Variants in AFAP1 observed in about 807,000 individuals in gnomAD.
AFAP1 encodes actin filament associated protein 1, also known as actin filament-associated protein 1.
Under a neutral mutation model 93.9 loss-of-function variants are expected in AFAP1, and 75 were observed. The ratio of observed to expected loss-of-function variants is 0.80; its 90% confidence interval spans 0.66 to 0.97. The LOEUF (loss-of-function observed/expected upper bound fraction) is 0.97. Among genes scored for constraint, AFAP1 ranks in the 50% least tolerant of loss-of-function variants. The pLI is 0.00. For missense variants in AFAP1, 1,201 were observed against 1,050.8 expected (o/e 1.14, Z -1.98); for synonymous variants, 517 against 430.7 (o/e 1.20, Z -2.48).
At chr4:7,797,017 G>A (rs776527021) in intron 10 of AFAP1, among the ~76,000 whole-genome samples, 9 of 146,640 alleles carry the variant, frequency 6.1e-5, no homozygotes, top group South Asian at 2.2e-4. Context: ...CCGAGATTGC[G>A]CCACTGCACT....
At chr4:7,906,821 G>C (rs1719430330) in intron 1 of AFAP1, among the ~76,000 whole-genome samples, 1 of 152,212 alleles carries the variant, frequency 6.6e-6, no homozygotes, top group African/African-American at 2.4e-5. Flanking sequence ...GGAAGTTCAA[G>C]AACAGCCTGG....
intron 4 of AFAP1, among the ~76,000 whole-genome samples, chr4:7,853,105 CT>C (rs1433175686): frequency 5.3e-5 from 8 of 152,144 alleles, no homozygotes; most frequent in Admixed American, 2.6e-4. Flanking sequence ...TGGTAGTTTT[CT>C]ACTGTATCAG....
intron 3 of AFAP1, among the ~76,000 whole-genome samples, chr4:7,856,249 AT>A (rs111609003): frequency 4.7e-5 from 7 of 149,144 alleles, no homozygotes; most frequent in Admixed American, 2.0e-4. Flanking sequence ...TCATGTCACA[AT>A]TTTTTTTTTT....
intron 1 of AFAP1, among the ~76,000 whole-genome samples, chr4:7,886,337 C>G (rs1474016958): frequency 2.0e-5 from 3 of 152,200 alleles, no homozygotes; most frequent in Non-Finnish European, 4.4e-5. Context: ...GTTTAATTTG[C>G]ACCTAAAAAG....
intron 1 of AFAP1, among the ~76,000 whole-genome samples, chr4:7,885,147 T>C (rs1405888402): frequency 6.6e-6 from 1 of 152,240 alleles, no homozygotes; most frequent in Non-Finnish European, 1.5e-5. Context: ...CCTGGTTTGC[T>C]ACACTCTTCT....
At position 7,800,746 on chromosome 4, in the gene AFAP1, G is replaced by C; in HGVS notation, c.1055-93C>G. On this transcript the variant is annotated intron_variant, in intron 9 of 17. Transcript: ENST00000420658. ...TCACACTGAGGAGGCCCAGGGATGG[G>C]AGTGTGGATAAAACAAATCCTTCAC... 2.4e-6 allele frequency: 3 copies of C among 1,228,972 alleles called. No homozygotes were observed. In the South Asian group the frequency reaches 3.8e-5, roughly 16 times the overall value. The allele number at this position is 1,228,972 out of a possible 1,614,324, so 76.1% of individuals were successfully genotyped here. A position where few individuals can be genotyped will look rare whatever the true frequency, so the allele number is the denominator to read the frequency against.
At chr4:7,801,648 A>C (rs1719041394) in intron 9 of AFAP1, among the ~76,000 whole-genome samples, 1 of 152,166 alleles carries the variant, frequency 6.6e-6, no homozygotes, top group Admixed American at 6.5e-5. Context: ...GTGGCAGAAA[A>C]GGAAGTACCA....
At chr4:7,861,878 T>C (rs1160147539) in intron 3 of AFAP1, 1 of 152,266 alleles carries the variant, frequency 6.6e-6, no homozygotes, top group Admixed American at 6.5e-5. Flanking sequence ...TCGTGGGCTT[T>C]AGCCCCAGCT....
intron 6 of AFAP1, among the ~76,000 whole-genome samples, chr4:7,824,248 A>C (rs1459768068): frequency 6.6e-6 from 1 of 152,234 alleles, no homozygotes; most frequent in Non-Finnish European, 1.5e-5. Flanking sequence ...ATCCTCCAAA[A>C]AAACAAATTG....
At chr4:7,891,583 G>A (rs1379312773) in intron 1 of AFAP1, among the ~76,000 whole-genome samples, 1 of 152,064 alleles carries the variant, frequency 6.6e-6, no homozygotes, top group African/African-American at 2.4e-5. Flanking sequence ...AAGGAAGACA[G>A]CAGAATTCCT....
chr4:7,784,449 T>A (rs1005342088), intron 12 of AFAP1, among the ~76,000 whole-genome samples: 7 of 152,056 alleles, frequency 4.6e-5, no homozygotes, highest in African/African-American at 1.7e-4. Flanking sequence ...ACAAAGACAA[T>A]CGCTTCACCA....
chr4:7,860,499 T>C (rs1715553882), intron 3 of AFAP1, among the ~76,000 whole-genome samples: 1 of 152,216 alleles, frequency 6.6e-6, no homozygotes, highest in African/African-American at 2.4e-5. Context: ...TGTCAGGCAC[T>C]GTCCTGGGAT....
chr4:7,769,067 A>G (rs1291977433), intron 16 of AFAP1, 59 bp from the exon 17 acceptor site: 8 of 1,497,058 alleles, frequency 5.3e-6, no homozygotes, highest in African/African-American at 4.2e-5. Context: ...GGTATTCTCC[A>G]GCAGGAAAAT....
chr4:7,848,600 T>C (rs1326712349), intron 4 of AFAP1, among the ~76,000 whole-genome samples: 1 of 152,176 alleles, frequency 6.6e-6, no homozygotes. Context: ...CTGTTCTCTC[T>C]GGGCCTCCAG....
rs112368326 is a variant in AFAP1, at chr4:7,883,126, C to T, written c.-2-11046G>A. ...CCTGAGCCCAGGGAGGTTGAGGTTA[C>T]GGTGAGCCATAAGCGCATCACTGCA... On this transcript the variant is annotated intron_variant, in intron 1 of 17. Coordinates refer to ENST00000420658, the MANE Select transcript of AFAP1 (RefSeq NM_001134647.2). 7.3e-4 allele frequency among the ~76,000 whole-genome samples: 100 copies of T among 136,314 alleles called. 1 individual carries two copies. The Middle Eastern group carries it at 0.012, about 17-fold the overall frequency. The allele number at this position is 136,314 out of a possible 152,430, so 89.4% of individuals were successfully genotyped here.
chr4:7,866,150 G>T (rs971897544), intron 3 of AFAP1, among the ~76,000 whole-genome samples: 2 of 152,128 alleles, frequency 1.3e-5, no homozygotes, highest in African/African-American at 4.8e-5. Context: ...ACCCACCTCG[G>T]CCTCCCAAAG....
intron 1 of AFAP1, among the ~76,000 whole-genome samples, chr4:7,925,157 T>C (rs1398657359): frequency 6.6e-6 from 1 of 150,390 alleles, no homozygotes; most frequent in Non-Finnish European, 1.5e-5. Context: ...CGGCCTTCCT[T>C]TATTTCCCCC....
At chr4:7,812,024 C>T (rs927941977) in intron 8 of AFAP1, among the ~76,000 whole-genome samples, 42 of 150,504 alleles carry the variant, frequency 2.8e-4, no homozygotes, top group Non-Finnish European at 5.8e-4. Flanking sequence ...ATCCCTAAGT[C>T]TGAAGGCACA....
chr4:7,846,341 G>A (rs374740996), intron 4 of AFAP1, among the ~76,000 whole-genome samples: 51 of 152,330 alleles, frequency 3.3e-4, no homozygotes, highest in Middle Eastern at 3.4e-3. Flanking sequence ...AACAGTAAGC[G>A]TGGCTAGAAC....
Sources: gnomAD v4.1 joint callset for allele counts (sites outside exome capture counted in the v4.1 genomes callset) on GRCh38, gnomAD v4.1.1 for gene constraint, MANE v1.5 for transcripts, NCBI Gene and HGNC (gene_info 2026-07-23, HGNC 2026-07-21) for gene names.